The following USP3 variants were observed in gnomAD, a reference collection of about 807,000 sequenced individuals.
USP3 encodes ubiquitin carboxyl-terminal hydrolase 3.
Under a neutral mutation model 72.3 loss-of-function variants are expected in USP3, and 20 were observed. That is an observed-to-expected ratio of 0.28 (90% confidence interval 0.19 to 0.40). The LOEUF is 0.40. USP3 is among the 10% of genes least tolerant of loss of function. The pLI, the probability that USP3 is intolerant of heterozygous loss-of-function variation, is 1.00. For missense variants in USP3, 479 were observed against 633.9 expected (o/e 0.76, Z 2.62); for synonymous variants, 222 against 225.3 (o/e 0.99, Z 0.13).
At chr15:63,568,726 A>G (rs1372464636) in intron 8 of USP3, among the ~76,000 whole-genome samples, 3 of 152,250 alleles carry the variant, frequency 2.0e-5, no homozygotes, top group African/African-American at 7.2e-5. Flanking sequence ...ATGTTTAGAA[A>G]GAGAATTGTA....
intron 1 of USP3, among the ~76,000 whole-genome samples, chr15:63,525,243 G>C (rs960265309): frequency 2.0e-5 from 3 of 152,164 alleles, no homozygotes; most frequent in African/African-American, 7.2e-5. Context: ...TCTTGCCCTT[G>C]AGTCCCAGGT....
chr15:63,533,214 A>C (rs2066104137), intron 2 of USP3, among the ~76,000 whole-genome samples: 1 of 152,150 alleles, frequency 6.6e-6, no homozygotes. Flanking sequence ...GAAAGAAAAA[A>C]ACCCTTAAAA....
chr15:63,554,154 C>T (rs1300781149), intron 4 of USP3, among the ~76,000 whole-genome samples: 1 of 151,910 alleles, frequency 6.6e-6, no homozygotes, highest in Admixed American at 6.6e-5. Context: ...AATAGAAAAC[C>T]CCTGTCAAAT....
intron 7 of USP3, 147 bp from the exon 8 acceptor site, chr15:63,562,748 T>TA (rs1207185453): frequency 4.8e-5 from 26 of 542,758 alleles, no homozygotes. Flanking sequence ...GAGATGCTCT[T>TA]ATGTATCTTT....
At chr15:63,558,067 C>T in intron 5 of USP3, 39 bp from the exon 6 acceptor site, 1 of 1,609,352 alleles carries the variant, frequency 6.2e-7, no homozygotes, top group Non-Finnish European at 8.5e-7. Context: ...TTGGCCTTCC[C>T]TTGGCATTAC....
At chr15:63,537,192 T>C in intron 3 of USP3, 36 bp downstream of exon 3, 1 of 1,592,950 alleles carries the variant, frequency 6.3e-7, no homozygotes, top group Non-Finnish European at 8.6e-7. Flanking sequence ...GATTTCTTAC[T>C]GTGTGCAAGT....
chr15:63,585,583 C>A (rs1347230776), intron 11 of USP3, among the ~76,000 whole-genome samples: 2 of 152,078 alleles, frequency 1.3e-5, no homozygotes, highest in African/African-American at 2.4e-5. Flanking sequence ...TCTTTTCATT[C>A]CCTTGACAGT....
chr15:63,518,712 A>G (rs1344619971), intron 1 of USP3, among the ~76,000 whole-genome samples: 2 of 151,780 alleles, frequency 1.3e-5, no homozygotes, highest in Non-Finnish European at 2.9e-5. Context: ...ATTTCCCCTT[A>G]TTAATTTACA....
intron 11 of USP3, among the ~76,000 whole-genome samples, chr15:63,587,515 T>C (rs956477146): frequency 1.3e-5 from 2 of 152,212 alleles, no homozygotes; most frequent in Admixed American, 1.3e-4. Flanking sequence ...CTTTAACGTT[T>C]AGTTATAACA....
intron 8 of USP3, among the ~76,000 whole-genome samples, chr15:63,567,106 C>T (rs923675792): frequency 1.3e-5 from 2 of 152,158 alleles, no homozygotes; most frequent in African/African-American, 4.8e-5. Context: ...CACATGAGTC[C>T]TTTTATGTGC....
chr15:63,537,784 C>A (rs995969344), intron 3 of USP3, among the ~76,000 whole-genome samples: 2 of 152,154 alleles, frequency 1.3e-5, no homozygotes, highest in African/African-American at 4.8e-5. Context: ...CTCCCGGGTT[C>A]AAGCAACTCT....
chr15:63,521,667 C>T (rs576993644), intron 1 of USP3, among the ~76,000 whole-genome samples: 2 of 152,320 alleles, frequency 1.3e-5, no homozygotes, highest in East Asian at 3.9e-4. Flanking sequence ...ACACACTCAT[C>T]AGTGCTTTTC....
chr15:63,562,324 C>T (rs186937574), intron 7 of USP3, among the ~76,000 whole-genome samples: 5 of 152,204 alleles, frequency 3.3e-5, no homozygotes, highest in Admixed American at 1.3e-4. Context: ...ATGCTGGAGC[C>T]GGTCAGTGCA....
chr15:63,540,095 G>T (rs768514241), intron 3 of USP3, among the ~76,000 whole-genome samples: 28 of 152,214 alleles, frequency 1.8e-4, no homozygotes, highest in Non-Finnish European at 3.2e-4. Context: ...GGTTTAACAT[G>T]TTTGATTATA....
At chr15:63,559,242 T>G (rs1294448068) in intron 6 of USP3, among the ~76,000 whole-genome samples, 1 of 152,186 alleles carries the variant, frequency 6.6e-6, no homozygotes, top group Non-Finnish European at 1.5e-5. Flanking sequence ...AATAAAATAG[T>G]CAACAAGGCT....
chr15:63,574,436 T>A lies in USP3; in HGVS notation c.1096+33T>A. On this transcript the variant is annotated intron_variant, in intron 11 of 14. Transcript: ENST00000380324. This position sits in a 1 kb window ranked among gnomAD's most constrained non-coding sequence, Gnocchi z 4.6. The stretch of plus-strand genomic sequence containing the variant: ...TACTTGAATGTTCTAAAAATTTTTT[T>A]CTTTAAATAATTGAATAGATTGATA... 2 of 1,536,008 alleles carry A rather than the reference T, an allele frequency of 1.3e-6. No homozygotes were observed. The highest frequency in any genetic ancestry group is 1.8e-6 in the Non-Finnish European group (2 of 1,132,240).
chr15:63,588,469 G>T lies in USP3; in HGVS notation c.1215+46G>T. 1.5e-6 allele frequency: 2 copies of T among 1,332,952 alleles called. No homozygotes were observed. Among genetic ancestry groups the T allele is most frequent in the African/African-American group, 2.9e-5 (2 of 68,280 alleles). 82.6% of individuals were successfully genotyped at this position (1,332,952 alleles called of 1,614,324 possible). A position where few individuals can be genotyped will look rare whatever the true frequency, so the allele number is the denominator to read the frequency against. ...TATGAAGCAATTTCAATGGGAAAGT[G>T]CTTGACTGCTAAGACCATGTCTATA... On this transcript the variant is annotated intron_variant, in intron 12 of 14. Transcript: ENST00000380324. This position sits in a 1 kb window ranked among gnomAD's most constrained non-coding sequence, Gnocchi z 4.6.
rs896339527 is a variant in USP3 at position 63,544,056 on chromosome 15, A to G, written c.284+6900A>G. Among the ~76,000 whole-genome samples the G allele has an allele frequency of 2.6e-5, 4 of 151,752 alleles. No individual in the cohort carries two copies. Among genetic ancestry groups the G allele is most frequent in the Admixed American group, 1.3e-4 (2 of 15,238 alleles). On this transcript the variant is annotated intron_variant, in intron 3 of 14. Transcript: ENST00000380324. This position sits in a 1 kb window ranked among gnomAD's most constrained non-coding sequence, Gnocchi z 4.2. ...GAGACACTGTCTTTAAAAAAAAAAA[A>G]AAAGGAAATTAGTTTAATAATAGTA...
chr15:63,541,456 CAG>C (rs1339494351), intron 3 of USP3, among the ~76,000 whole-genome samples: 1 of 152,040 alleles, frequency 6.6e-6, no homozygotes, highest in Non-Finnish European at 1.5e-5. Flanking sequence ...AATTAGACAA[CAG>C]GGAGAGTTTT....
Sources: gnomAD v4.1 joint callset for allele counts (sites outside exome capture counted in the v4.1 genomes callset) on GRCh38, gnomAD v4.1.1 for gene constraint, Gnocchi (gnomAD v3.1) non-coding constraint, MANE v1.5 for transcripts, NCBI Gene and HGNC (gene_info 2026-07-23, HGNC 2026-07-21) for gene names.